The following DPYSL2 variants were observed in gnomAD, a reference collection of about 807,000 sequenced individuals.
DPYSL2 encodes dihydropyrimidinase-related protein 2.
In DPYSL2, 13 loss-of-function variants were observed where a neutral mutation model predicts 69.9. The ratio of observed to expected loss-of-function variants is 0.19; its 90% confidence interval spans 0.12 to 0.30. The LOEUF is 0.30. Ranked by LOEUF, DPYSL2 falls within the 10% of genes least tolerant of loss-of-function variation. The pLI is 1.00. For missense variants in DPYSL2, 587 were observed against 918.9 expected, an observed-to-expected ratio of 0.64 and a Z score of 4.67; for synonymous variants, 326 against 359.1, an observed-to-expected ratio of 0.91 and a Z score of 1.04.
rs150666343 is a variant in DPYSL2, at chr8:26,597,884, C to A, written c.628+13901C>A. ...TGTTTTTCTCCTTTATGGAGATAAT[C>A]CAGGGAGAAACATGAAGTGTAATGG... On this transcript the variant is annotated intron_variant, in intron 3 of 13. Coordinates refer to ENST00000521913, the MANE Select transcript of DPYSL2 (RefSeq NM_001197293.3). This position sits in a 1 kb window ranked among gnomAD's most constrained non-coding sequence, Gnocchi z 5.2. Among the ~76,000 whole-genome samples the A allele has an allele frequency of 0.014, 2,083 of 150,416 alleles. 104 individuals are homozygous for A. Among genetic ancestry groups the A allele is most frequent in the Admixed American group, 0.093 (1,401 of 15,074 alleles).
At position 26,655,598 on chromosome 8, in the gene DPYSL2, T is replaced by G. The variant is rs774868389; in HGVS notation, c.1943-17T>G. ...TCCTGGCCCCTCACCCGCTCCTCTC[T>G]TCTCCTCTCCCTCCAGGTGCTCAGA... On this transcript the variant is annotated splice_polypyrimidine_tract_variant and intron_variant, in intron 13 of 13. Coordinates refer to ENST00000521913, the MANE Select transcript of DPYSL2 (RefSeq NM_001197293.3). The G allele has an allele frequency of 1.9e-6, 3 of 1,593,886 alleles. No individual in the cohort carries two copies. Among genetic ancestry groups the G allele is most frequent in the Non-Finnish European group, 2.6e-6 (3 of 1,165,454 alleles).
Position 26,632,002 on chromosome 8 carries a change from G to A in DPYSL2, c.1006-2778G>A, listed in dbSNP as rs140413395. ...TGCTGATGGAATGAAACACATCCCA[G>A]TGTAACTTCTCTGTAGTTTGGTGAC... On this transcript the variant is annotated intron_variant, in intron 7 of 13. Coordinates refer to ENST00000521913, the MANE Select transcript of DPYSL2 (RefSeq NM_001197293.3). 4.6e-5 allele frequency among the ~76,000 whole-genome samples: 7 copies of A among 152,326 alleles called. No individual in the cohort carries two copies. The East Asian group carries it at 1.4e-3, about 29-fold the overall frequency.
intron 1 of DPYSL2, among the ~76,000 whole-genome samples, chr8:26,525,437 G>A (rs1173700653): frequency 6.6e-6 from 1 of 152,126 alleles, no homozygotes; most frequent in African/African-American, 2.4e-5. Context: ...GCCCAGGCTG[G>A]TCATGAACTC....
At chr8:26,630,026 C>T (rs1038158368) in intron 7 of DPYSL2, among the ~76,000 whole-genome samples, 2 of 152,238 alleles carry the variant, frequency 1.3e-5, no homozygotes, top group African/African-American at 4.8e-5. Context: ...CGTGTACACA[C>T]ACAGACACAT....
At chr8:26,557,615 T>TA (rs1801009262) in intron 1 of DPYSL2, among the ~76,000 whole-genome samples, 1 of 5,264 alleles carries the variant, frequency 1.9e-4, no homozygotes, top group African/African-American at 5.3e-4. Flanking sequence ...CTGTCTCTAC[T>TA]AAAAATACAA....
chr8:26,534,451 G>A (rs576670552), intron 1 of DPYSL2, among the ~76,000 whole-genome samples: 118 of 152,040 alleles, frequency 7.8e-4, no homozygotes, highest in African/African-American at 2.7e-3. Context: ...AAGCCACCAT[G>A]CCCTGCCTCT....
chr8:26,584,807 C>A (rs62491909), intron 3 of DPYSL2, among the ~76,000 whole-genome samples: 1 of 151,874 alleles, frequency 6.6e-6, no homozygotes, highest in East Asian at 1.9e-4. Context: ...TTAGTAGAGA[C>A]GGGGGTCTTC....
In DPYSL2 at chr8:26,592,761, C is replaced by G. The variant is rs570379489; in HGVS notation, c.628+8778C>G. 3.1e-4 allele frequency among the ~76,000 whole-genome samples: 47 copies of G among 152,126 alleles called. No individual in the cohort carries two copies. The South Asian group carries it at 7.3e-3, about 24-fold the overall frequency. On this transcript the variant is annotated intron_variant, in intron 3 of 13. Coordinates refer to ENST00000521913, the MANE Select transcript of DPYSL2 (RefSeq NM_001197293.3). The stretch of plus-strand genomic sequence containing the variant: ...CAAAGTGCTGGGATTACAGGCATGT[C>G]CCACTGTGCCCGGCCGGTACATTAG...
chr8:26,530,582 TA>T (rs61390805), intron 1 of DPYSL2, among the ~76,000 whole-genome samples: 2,464 of 152,286 alleles, frequency 0.016, 59 homozygotes, highest in African/African-American at 0.054. Context: ...TAGGACCCTT[TA>T]AAAAATTTAA....
At chr8:26,535,587 T>C (rs1295131267) in intron 1 of DPYSL2, among the ~76,000 whole-genome samples, 1 of 151,738 alleles carries the variant, frequency 6.6e-6, no homozygotes, top group Non-Finnish European at 1.5e-5. Flanking sequence ...AAGCATGCTA[T>C]GTTTGGGCCC....
chr8:26,644,171 G>A lies in DPYSL2; in HGVS notation c.1425+80G>A, dbSNP rs1277291379. ...ATCTGGGGGCCATGGGGCTCATGGA[G>A]GCCTTGAAATGACAGACAGTGGAGG... is the stretch of plus-strand genomic sequence containing the variant. On this transcript the variant is annotated intron_variant, in intron 10 of 13. Transcript: ENST00000521913. The surrounding 1 kb of genome is among the most constrained non-coding windows in gnomAD (Gnocchi z 4.5). 6.6e-7 allele frequency: 1 copy of A among 1,526,272 alleles called. No homozygotes were observed. Among genetic ancestry groups the A allele is most frequent in the Non-Finnish European group, 8.8e-7 (1 of 1,132,832 alleles). 94.5% of individuals were successfully genotyped at this position (1,526,272 alleles called of 1,614,324 possible). A position where few individuals can be genotyped will look rare whatever the true frequency, so the allele number is the denominator to read the frequency against.
At chr8:26,542,426 AT>A (rs1180279450) in intron 1 of DPYSL2, among the ~76,000 whole-genome samples, 54 of 149,236 alleles carry the variant, frequency 3.6e-4, no homozygotes, top group African/African-American at 5.4e-4. Context: ...TATTAAAAAA[AT>A]TTTTTTTTTT....
Position 26,647,593 on chromosome 8 carries a change from G to C in DPYSL2, c.1426-37G>C, listed in dbSNP as rs778295377. ...AGTAACTTTTTAACTCGTTTCTGCT[G>C]TGTGCCTCCTGTGCACACCTATGCT... On this transcript the variant is annotated intron_variant, in intron 10 of 13. Coordinates refer to ENST00000521913, the MANE Select transcript of DPYSL2 (RefSeq NM_001197293.3). This position sits in a 1 kb window ranked among gnomAD's most constrained non-coding sequence, Gnocchi z 5.1. The C allele has an allele frequency of 1.3e-6, 2 of 1,565,768 alleles. No individual in the cohort carries two copies. The highest frequency in any genetic ancestry group is 3.9e-5 in the Admixed American group (2 of 50,696).
At chr8:26,554,310 C>T (rs1389715413) in intron 1 of DPYSL2, among the ~76,000 whole-genome samples, 1 of 151,214 alleles carries the variant, frequency 6.6e-6, no homozygotes, top group Admixed American at 6.6e-5. Flanking sequence ...TTTTTGGCTG[C>T]CTGTATGTCT....
At position 26,624,443 on chromosome 8, in the gene DPYSL2, A is replaced by G; in HGVS notation, c.793+136A>G. On this transcript the variant is annotated intron_variant, in intron 4 of 13. Transcript: ENST00000521913. The surrounding 1 kb of genome is among the most constrained non-coding windows in gnomAD (Gnocchi z 4.7). The stretch of plus-strand genomic sequence containing the variant: ...GCCCATGCCTGCCCCTGGGAAGGAG[A>G]GAGGGCTTTGGGCCGCAGCTTATGC... The G allele has an allele frequency of 8.5e-7, 1 of 1,181,394 alleles. No individual in the cohort carries two copies. The highest frequency in any genetic ancestry group is 1.5e-5 in the African/African-American group (1 of 65,902). 73.2% of individuals were successfully genotyped at this position (1,181,394 alleles called of 1,614,324 possible).
chr8:26,540,433 G>A (rs1563379355), intron 1 of DPYSL2, among the ~76,000 whole-genome samples: 1 of 152,182 alleles, frequency 6.6e-6, no homozygotes, highest in Non-Finnish European at 1.5e-5. Flanking sequence ...GAAAGGGGTA[G>A]AAAGCTCATT....
chr8:26,595,046 A>G (rs891990887), intron 3 of DPYSL2, among the ~76,000 whole-genome samples: 1 of 151,972 alleles, frequency 6.6e-6, no homozygotes, highest in Non-Finnish European at 1.5e-5. Flanking sequence ...CAATCAATCA[A>G]TCAATAACTA....
intron 1 of DPYSL2, among the ~76,000 whole-genome samples, chr8:26,568,074 T>C (rs1192497764): frequency 6.6e-6 from 1 of 152,208 alleles, no homozygotes; most frequent in Non-Finnish European, 1.5e-5. Flanking sequence ...CAAATGAGAC[T>C]GATGGTTACT....
At chr8:26,552,889 C>T (rs1315451833) in intron 1 of DPYSL2, among the ~76,000 whole-genome samples, 3 of 152,090 alleles carry the variant, frequency 2.0e-5, no homozygotes, top group Admixed American at 2.0e-4. Flanking sequence ...ACATTCAAAC[C>T]ATAGCATTTG....
Sources: gnomAD v4.1 joint callset for allele counts (sites outside exome capture counted in the v4.1 genomes callset) on GRCh38, gnomAD v4.1.1 for gene constraint, Gnocchi (gnomAD v3.1) non-coding constraint, MANE v1.5 for transcripts, NCBI Gene and HGNC (gene_info 2026-07-23, HGNC 2026-07-21) for gene names.